GLT1D1: variants seen among roughly 807,000 people sequenced by gnomAD.
GLT1D1 encodes glycosyltransferase 1 domain-containing protein 1.
A neutral mutation model predicts 28.7 loss-of-function variants in GLT1D1; 21 were observed. The ratio of observed to expected loss-of-function variants is 0.73; its 90% CI spans 0.52 to 1.05. GLT1D1 has a LOEUF of 1.05. GLT1D1 is among the 50% of genes least tolerant of loss of function. The pLI, the probability that GLT1D1 is intolerant of heterozygous loss-of-function variation, is 0.00. For missense variants in GLT1D1, 343 were observed against 330.6 expected (o/e 1.04, Z -0.29); for synonymous variants, 147 against 124.8 (o/e 1.18, Z -1.19).
At chr12:128,880,256 T>C (rs918803212) in intron 2 of GLT1D1, among the ~76,000 whole-genome samples, 1 of 152,220 alleles carries the variant, frequency 6.6e-6, no homozygotes, top group African/African-American at 2.4e-5. Context: ...CATCTGAAGT[T>C]AGGTTTGCTT....
chr12:128,873,364 A>G (rs1956747634), intron 1 of GLT1D1, among the ~76,000 whole-genome samples: 1 of 152,200 alleles, frequency 6.6e-6, no homozygotes, highest in Non-Finnish European at 1.5e-5. Context: ...GATCTATTGC[A>G]TTCTTTTGAT....
intron 4 of GLT1D1, among the ~76,000 whole-genome samples, chr12:128,900,122 A>C (rs1347565993): frequency 6.6e-6 from 1 of 152,154 alleles, no homozygotes; most frequent in East Asian, 1.9e-4. Context: ...ATGTGAACGC[A>C]CCATAGAGCT....
intron 2 of GLT1D1, among the ~76,000 whole-genome samples, chr12:128,879,439 T>TTTCC (rs1956972814): frequency 8.4e-6 from 1 of 119,494 alleles, no homozygotes; most frequent in Admixed American, 8.9e-5. Context: ...TCTTTCTTTC[T>TTTCC]TTCTTTCTTT....
intron 2 of GLT1D1, among the ~76,000 whole-genome samples, chr12:128,880,851 TTTTA>T (rs1466922270): frequency 6.6e-6 from 1 of 152,122 alleles, no homozygotes; most frequent in Non-Finnish European, 1.5e-5. Flanking sequence ...GTGTTTTTGG[TTTTA>T]TTTATGTTTT....
chr12:128,956,171 A>AAAAAAAAAAAAAAAAAAAAGAG lies in GLT1D1; in HGVS notation c.541-1373_541-1372insAAAAAAAAAAAAAAAAAAGAGA, dbSNP rs374597920. Among the ~76,000 whole-genome samples, 478 of 63,716 alleles carry AAAAAAAAAAAAAAAAAAAAGAG rather than the reference A, an allele frequency of 7.5e-3. 109 individuals are homozygous for AAAAAAAAAAAAAAAAAAAAGAG. Among genetic ancestry groups the AAAAAAAAAAAAAAAAAAAAGAG allele is most frequent in the Non-Finnish European group, 0.014 (386 of 28,138 alleles). 41.8% of individuals were successfully genotyped at this position (63,716 alleles called of 152,430 possible). A position where few individuals can be genotyped will look rare whatever the true frequency, so the allele number is the denominator to read the frequency against. On this transcript the variant is annotated intron_variant, in intron 6 of 7. Transcript: ENST00000281703. ...GAGACTCCATCTCAAAAAAAAAAAA[A>AAAAAAAAAAAAAAAAAAAAGAG]AGAGAAAGAGAGAAAGAAAGAAAGA...
At chr12:128,908,662 A>G (rs1813959041) in intron 4 of GLT1D1, among the ~76,000 whole-genome samples, 1 of 151,470 alleles carries the variant, frequency 6.6e-6, no homozygotes. Flanking sequence ...GAAAATAAAC[A>G]CGACAGGCCG....
intron 4 of GLT1D1, among the ~76,000 whole-genome samples, chr12:128,900,983 G>C (rs1171009247): frequency 1.3e-5 from 2 of 152,144 alleles, no homozygotes; most frequent in Admixed American, 6.5e-5. Context: ...TTTCAAACCA[G>C]TGGTTACCAA....
chr12:128,874,120 CTCTCTCTTTCTTTCTTTCTTTCTT>C (rs1391861794), intron 1 of GLT1D1, among the ~76,000 whole-genome samples: 649 of 52,638 alleles, frequency 0.012, 4 homozygotes, highest in East Asian at 0.039. Context: ...CTCTCTCTCT[CTCTCTCTTTCTTTCTTTCTTTCTT>C]TCTTTCTTTC....
chr12:128,924,359 G>T (rs1349015612), intron 4 of GLT1D1, among the ~76,000 whole-genome samples: 1 of 151,638 alleles, frequency 6.6e-6, no homozygotes, highest in South Asian at 2.1e-4. Flanking sequence ...CCGGGGAGGT[G>T]GAGGTTGCAC....
chr12:128,898,276 G>A (rs946567220), intron 3 of GLT1D1, among the ~76,000 whole-genome samples: 1 of 151,258 alleles, frequency 6.6e-6, no homozygotes, highest in South Asian at 2.1e-4. Context: ...AGGCTCAAGC[G>A]ATCCTCCTGC....
chr12:128,949,608 GGGCA>G (rs1876476813), intron 6 of GLT1D1, among the ~76,000 whole-genome samples: 1 of 152,116 alleles, frequency 6.6e-6, no homozygotes, highest in Non-Finnish European at 1.5e-5. Flanking sequence ...CTGGATTCGT[GGGCA>G]GCGGGGTGAA....
chr12:128,973,591 C>T (rs1429089380), intron 7 of GLT1D1, among the ~76,000 whole-genome samples: 2 of 152,028 alleles, frequency 1.3e-5, no homozygotes, highest in African/African-American at 4.8e-5. Context: ...CTTCCTCCTG[C>T]TCTAACCCGC....
chr12:128,923,386 C>T (rs567327678), intron 4 of GLT1D1, among the ~76,000 whole-genome samples: 1 of 152,004 alleles, frequency 6.6e-6, no homozygotes, highest in Admixed American at 6.5e-5. Context: ...AATAAGCCAC[C>T]GCAGGATGCA....
intron 4 of GLT1D1, among the ~76,000 whole-genome samples, chr12:128,903,420 G>A (rs1275860440): frequency 6.6e-6 from 1 of 151,708 alleles, no homozygotes; most frequent in Non-Finnish European, 1.5e-5. Context: ...CTCAGCGGGT[G>A]GAGATACGGT....
chr12:128,906,782 A>T, intron 4 of GLT1D1: 8 of 495,556 alleles, frequency 1.6e-5, no homozygotes, highest in South Asian at 3.2e-5. Flanking sequence ...TAATTTATCT[A>T]CTTTGCCTTG....
chr12:128,958,830 C>CTTTTTTTT (rs71072432), intron 7 of GLT1D1, among the ~76,000 whole-genome samples: 1 of 83,856 alleles, frequency 1.2e-5, no homozygotes, highest in African/African-American at 5.0e-5. Context: ...AAATAAAAAT[C>CTTTTTTTT]TTTTTTTTTT....
chr12:128,925,302 C>T (rs1873097143), intron 4 of GLT1D1, among the ~76,000 whole-genome samples: 2 of 152,216 alleles, frequency 1.3e-5, no homozygotes, highest in Non-Finnish European at 2.9e-5. Context: ...TAAGCCCAAG[C>T]ATCCATTAGC....
At chr12:128,935,253 A>T (rs1366454127) in intron 4 of GLT1D1, among the ~76,000 whole-genome samples, 2 of 152,168 alleles carry the variant, frequency 1.3e-5, no homozygotes, top group African/African-American at 2.4e-5. Flanking sequence ...GAGCTTTATG[A>T]AATAGTAGAG....
chr12:128,890,272 A>C (rs1868889793), intron 3 of GLT1D1, among the ~76,000 whole-genome samples: 1 of 152,170 alleles, frequency 6.6e-6, no homozygotes. Context: ...CAGAACACTC[A>C]TTCTGTTTTG....
Sources: allele counts gnomAD v4.1 joint callset (sites outside exome capture counted in the v4.1 genomes callset), GRCh38; gene constraint gnomAD v4.1.1; transcripts MANE v1.5; gene names NCBI Gene and HGNC (gene_info 2026-07-23, HGNC 2026-07-21).